The following CRACDL variants were observed in gnomAD, a reference collection of about 807,000 sequenced individuals.
CRACDL encodes CRACD like.
A neutral mutation model predicts 70.6 loss-of-function variants in CRACDL; 26 were observed. That is an observed-to-expected ratio of 0.37 (90% CI 0.27 to 0.51). The LOEUF is 0.51. Ranked by LOEUF, CRACDL falls within the 20% of genes least tolerant of loss-of-function variation. The pLI is 0.94. For missense variants in CRACDL, 1,283 were observed against 1,376.9 expected, an observed-to-expected ratio of 0.93 and a Z score of 1.08; for synonymous variants, 618 against 615.2, an observed-to-expected ratio of 1.00 and a Z score of -0.07.
intron 7 of CRACDL, among the ~76,000 whole-genome samples, chr2:98,802,165 C>T (rs1704107665): frequency 6.6e-6 from 1 of 152,268 alleles, no homozygotes; most frequent in Non-Finnish European, 1.5e-5. Flanking sequence ...ATCCTGGTCA[C>T]GTCTGCCACA....
At chr2:98,833,417 T>G (rs1705633512) in intron 3 of CRACDL, among the ~76,000 whole-genome samples, 1 of 152,196 alleles carries the variant, frequency 6.6e-6, no homozygotes, top group Non-Finnish European at 1.5e-5. Context: ...AGGCTGTGTG[T>G]GCAGCAGGCT....
intron 1 of CRACDL, among the ~76,000 whole-genome samples, chr2:98,915,498 G>T (rs1234163302): frequency 4.6e-5 from 7 of 152,292 alleles, no homozygotes; most frequent in Admixed American, 3.9e-4. Flanking sequence ...TGGAGGAGCT[G>T]CCTGGGTCTG....
intron 7 of CRACDL, among the ~76,000 whole-genome samples, chr2:98,814,406 T>C (rs549455035): frequency 1.3e-5 from 2 of 152,318 alleles, no homozygotes; most frequent in South Asian, 2.1e-4. Flanking sequence ...CTTTGATCCA[T>C]GGATTATATA....
chr2:98,891,000 C>G (rs942984006), intron 1 of CRACDL, among the ~76,000 whole-genome samples: 1 of 151,328 alleles, frequency 6.6e-6, no homozygotes, highest in African/African-American at 2.4e-5. Context: ...GAGGTTGCAG[C>G]GAGCCAAGAT....
intron 7 of CRACDL, among the ~76,000 whole-genome samples, chr2:98,803,222 G>T (rs1385796103): frequency 6.6e-6 from 1 of 152,060 alleles, no homozygotes; most frequent in East Asian, 1.9e-4. Context: ...GGATGGTCTC[G>T]ATCTCTTGAC....
Position 98,936,163 on chromosome 2 carries a change from C to T in CRACDL, c.-236G>A, listed in dbSNP as rs1253747314. 1 of 151,062 alleles carries T rather than the reference C, an allele frequency of 6.6e-6. No homozygotes were observed. Among genetic ancestry groups the T allele is most frequent in the Non-Finnish European group, 1.5e-5 (1 of 67,646 alleles). 9.4% of individuals were successfully genotyped at this position (151,062 alleles called of 1,614,324 possible). On this transcript the variant is annotated 5_prime_UTR_variant, in exon 1 of 10. Transcript: ENST00000397899. ...CTCCCGCGGCCGGCCCGGCCCTGCG[C>T]CCGGCGCGCTCCCAGCTCCCAGCTC...
At chr2:98,906,095 A>G (rs191073769) in intron 1 of CRACDL, among the ~76,000 whole-genome samples, 117 of 152,146 alleles carry the variant, frequency 7.7e-4, no homozygotes, top group Non-Finnish European at 1.4e-3. Context: ...ATTATCTCTC[A>G]TATGTCACTA....
chr2:98,898,752 C>A (rs1280860160), intron 1 of CRACDL, among the ~76,000 whole-genome samples: 2 of 152,306 alleles, frequency 1.3e-5, no homozygotes, highest in Non-Finnish European at 2.9e-5. Context: ...CCCTATGTGC[C>A]TCAAGGATGA....
At chr2:98,851,037 T>C (rs1412077628) in intron 1 of CRACDL, among the ~76,000 whole-genome samples, 1 of 152,178 alleles carries the variant, frequency 6.6e-6, no homozygotes, top group African/African-American at 2.4e-5. Flanking sequence ...TCTGAGCACA[T>C]AATTATGTAT....
At chr2:98,919,471 CT>C (rs1268907456) in intron 1 of CRACDL, among the ~76,000 whole-genome samples, 3 of 152,118 alleles carry the variant, frequency 2.0e-5, no homozygotes, top group Non-Finnish European at 2.9e-5. Flanking sequence ...ATGTTGCAGA[CT>C]TTTTTTCTGT....
At chr2:98,824,377 C>A (rs926705386) in intron 6 of CRACDL, among the ~76,000 whole-genome samples, 3 of 151,858 alleles carry the variant, frequency 2.0e-5, no homozygotes, top group Admixed American at 6.6e-5. Flanking sequence ...AGATTCCCCC[C>A]TTCTCTGGCC....
At chr2:98,809,372 TCCC>T (rs1439761776) in intron 7 of CRACDL, among the ~76,000 whole-genome samples, 1 of 151,980 alleles carries the variant, frequency 6.6e-6, no homozygotes, top group African/African-American at 2.4e-5. Flanking sequence ...CTTGGCTGGC[TCCC>T]CATGTGGGGC....
chr2:98,858,986 G>C (rs142864288), intron 1 of CRACDL, among the ~76,000 whole-genome samples: 107 of 152,298 alleles, frequency 7.0e-4, no homozygotes, highest in African/African-American at 2.5e-3. Context: ...AAAGAGATTA[G>C]TAATTGTAAA....
chr2:98,871,580 A>G (rs984360004), intron 1 of CRACDL, among the ~76,000 whole-genome samples: 4 of 152,218 alleles, frequency 2.6e-5, no homozygotes, highest in Admixed American at 2.0e-4. Flanking sequence ...CTGAGTGACC[A>G]AGCAAGCTAC....
At position 98,822,951 on chromosome 2, in the gene CRACDL, G is replaced by T; in HGVS notation, c.1322C>A (p.Pro441Gln). The change falls in exon 7 of 10, where the codon CCG becomes CAG. Residue 441 changes from proline to glutamine, a missense_variant. This residue lies in a region of CRACDL where 921 missense variants were observed against 881.9 expected (regional missense o/e 1.04). Transcript: ENST00000397899. The surrounding 1 kb of genome is among the most constrained non-coding windows in gnomAD (Gnocchi z 4.9). Reference protein sequence around the residue: ...PERSVPKEAEPTPPVLPDEEK... With the variant: ...PERSVPKEAEQTPPVLPDEEK... ...CTCATCCGGGAGCACGGGCGGCGTC[G>T]GCTCCGCTTCCTTCGGGACACTGCG... 6.8e-7 allele frequency: 1 copy of T among 1,460,564 alleles called. No individual in the cohort carries two copies. The allele number at this position is 1,460,564 out of a possible 1,614,324, so 90.5% of individuals were successfully genotyped here. A position where few individuals can be genotyped will look rare whatever the true frequency, so the allele number is the denominator to read the frequency against.
At position 98,823,111 on chromosome 2, in the gene CRACDL, C is replaced by A. The variant is rs1412303418; in HGVS notation, c.1162G>T (p.Ala388Ser). The A allele has an allele frequency of 1.3e-6, 2 of 1,577,744 alleles. No homozygotes were observed. The highest frequency in any genetic ancestry group is 1.2e-5 in the South Asian group (1 of 86,876). The change falls in exon 7 of 10, where the codon GCG becomes TCG. Residue 388 changes from alanine to serine, a missense_variant. Physicochemically the swap from Ala to Ser is moderately conservative, Grantham distance 99. This residue lies in a region of CRACDL where 921 missense variants were observed against 881.9 expected (regional missense o/e 1.04). Transcript: ENST00000397899. The surrounding 1 kb of genome is among the most constrained non-coding windows in gnomAD (Gnocchi z 4.0). ...TCGGGAGCACAGACCACCTCCTCCG[C>A]CTTGTCCGTGGCCGGGGCACACGGG... ...AGPCAPATDKAEEVVCAPEDV... is the reference protein window; with the variant it reads ...AGPCAPATDKSEEVVCAPEDV...
At chr2:98,811,327 T>C (rs894801004) in intron 7 of CRACDL, among the ~76,000 whole-genome samples, 3 of 151,620 alleles carry the variant, frequency 2.0e-5, no homozygotes, top group Non-Finnish European at 4.4e-5. Context: ...CTGGCCAACA[T>C]GGTGAAACCC....
chr2:98,798,368 C>T (rs570903094), intron 7 of CRACDL, among the ~76,000 whole-genome samples: 90 of 138,466 alleles, frequency 6.5e-4, no homozygotes, highest in African/African-American at 2.1e-3. Flanking sequence ...GGCGTGAACC[C>T]GGGAGGCGGA....
At chr2:98,905,946 T>A (rs1200767947) in intron 1 of CRACDL, among the ~76,000 whole-genome samples, 2 of 152,150 alleles carry the variant, frequency 1.3e-5, no homozygotes, top group Non-Finnish European at 2.9e-5. Flanking sequence ...AAGTTTACCC[T>A]GCTAGGGGTT....
Sources: allele counts gnomAD v4.1 joint callset (sites outside exome capture counted in the v4.1 genomes callset), GRCh38; gene constraint gnomAD v4.1.1; regional missense constraint gnomAD v4.1.1; non-coding constraint Gnocchi (gnomAD v3.1); transcripts MANE v1.5; gene names NCBI Gene and HGNC (gene_info 2026-07-23, HGNC 2026-07-21).